The following TK2 variants were observed in gnomAD, a reference collection of about 807,000 sequenced individuals.
The protein encoded by TK2 is thymidine kinase 2, also known as thymidine kinase 2, mitochondrial.
Under a neutral mutation model 41.9 loss-of-function variants are expected in TK2, and 35 were observed. The observed-to-expected ratio is 0.84, with a 90% CI of 0.64 to 1.11. The LOEUF is 1.11. Ranked by LOEUF, TK2 falls within the 50% of genes least tolerant of loss-of-function variation. The pLI is 0.00. For synonymous variants in TK2, 128 were observed against 129.1 expected, an observed-to-expected ratio of 0.99 and a Z score of 0.06; for missense variants, 320 against 351.1, an observed-to-expected ratio of 0.91 and a Z score of 0.71.
chr16:66,548,673 CCCA>C (rs1965682984), intron 2 of TK2: 1 of 369,378 alleles, frequency 2.7e-6, no homozygotes, highest in African/African-American at 2.1e-5. Context: ...ACTGACCTTC[CCCA>C]CAACACAATG....
At chr16:66,515,138 C>T (rs541128629) in intron 8 of TK2, among the ~76,000 whole-genome samples, 87 of 151,508 alleles carry the variant, frequency 5.7e-4, no homozygotes, top group African/African-American at 1.8e-3. Flanking sequence ...TCCCCCTCTC[C>T]GAGAAACACC....
intron 2 of TK2, chr16:66,548,057 A>T (rs1360270294): frequency 1.3e-6 from 1 of 766,166 alleles, no homozygotes; most frequent in African/African-American, 1.8e-5. Flanking sequence ...ACACAGCAAG[A>T]CGCCGTCTCT....
At chr16:66,535,362 T>C (rs1965245705) in intron 4 of TK2, among the ~76,000 whole-genome samples, 1 of 152,204 alleles carries the variant, frequency 6.6e-6, no homozygotes, top group Non-Finnish European at 1.5e-5. Context: ...TTATGATCCC[T>C]AACACCTGCA....
Position 66,517,354 on chromosome 16 carries a change from A to C in TK2, c.539-139T>G. The C allele has an allele frequency of 1.3e-6, 1 of 790,886 alleles. No homozygotes were observed. The highest frequency in any genetic ancestry group is 2.3e-6 in the Non-Finnish European group (1 of 442,182). 49.0% of individuals were successfully genotyped at this position (790,886 alleles called of 1,614,324 possible). ...GGGCCAGCTCTTGGCTTGACCACTG[A>C]CCCTCCGCCTCGACTTTCATTCTCT... On this transcript the variant is annotated intron_variant, in intron 7 of 9. Coordinates refer to ENST00000544898, the MANE Select transcript of TK2 (RefSeq NM_004614.5). The surrounding 1 kb of genome is among the most constrained non-coding windows in gnomAD (Gnocchi z 4.3).
chr16:66,517,282 G>C lies in TK2; in HGVS notation c.539-67C>G. 7.2e-7 allele frequency: 1 copy of C among 1,380,810 alleles called. No individual in the cohort carries two copies. The highest frequency in any genetic ancestry group is 1.7e-5 in the Admixed American group (1 of 59,736). 85.5% of individuals were successfully genotyped at this position (1,380,810 alleles called of 1,614,324 possible). On this transcript the variant is annotated intron_variant, in intron 7 of 9. Transcript: ENST00000544898. This position sits in a 1 kb window ranked among gnomAD's most constrained non-coding sequence, Gnocchi z 4.3. ...GGCTTGGAAGCAAAGCAGGCACACAGGCAAAGGCGGGAGGAAGGTCTGCAC... is the reference window on the plus strand; with the variant it reads ...GGCTTGGAAGCAAAGCAGGCACACACGCAAAGGCGGGAGGAAGGTCTGCAC...
chr16:66,533,516 C>G (rs1348209458), intron 4 of TK2, among the ~76,000 whole-genome samples: 2 of 151,870 alleles, frequency 1.3e-5, no homozygotes, highest in Non-Finnish European at 2.9e-5. Context: ...TGCCACTGCA[C>G]TCCAGCTTGG....
chr16:66,532,554 G>A (rs1020548243), intron 4 of TK2, among the ~76,000 whole-genome samples: 3 of 151,584 alleles, frequency 2.0e-5, no homozygotes, highest in Admixed American at 6.6e-5. Context: ...GCAGTGGGCC[G>A]AGATCGTACC....
At chr16:66,520,985 T>C (rs1425158429) in intron 6 of TK2, among the ~76,000 whole-genome samples, 2 of 151,896 alleles carry the variant, frequency 1.3e-5, no homozygotes, top group Non-Finnish European at 2.9e-5. Context: ...ACCAAAGGGG[T>C]GGGGCCAGTT....
rs200305417 is a variant in TK2 at position 66,540,173 on chromosome 16, C to CTTTTTTTT, written c.231+1698_231+1705dup. ...TATTTCTTTTCTTTCTTTCTTTTTT[C>CTTTTTTTT]TTTTTTTTTTTTTTTTTGAGACAGG... On this transcript the variant is annotated intron_variant, in intron 3 of 9. Coordinates refer to ENST00000544898, the MANE Select transcript of TK2 (RefSeq NM_004614.5). Among the ~76,000 whole-genome samples the CTTTTTTTT allele has an allele frequency of 2.5e-3, 322 of 130,696 alleles. 3 individuals carry two copies. Among genetic ancestry groups the CTTTTTTTT allele is most frequent in the South Asian group, 9.5e-3 (38 of 3,990 alleles). The allele number at this position is 130,696 out of a possible 152,430, so 85.7% of individuals were successfully genotyped here. A position where few individuals can be genotyped will look rare whatever the true frequency, so the allele number is the denominator to read the frequency against.
intron 2 of TK2, chr16:66,546,734 T>C: frequency 6.6e-6 from 1 of 152,032 alleles, no homozygotes; most frequent in East Asian, 1.9e-4. Flanking sequence ...TCACAATTTA[T>C]TGAACTCCCT....
At chr16:66,522,392 C>G (rs1021596253) in intron 6 of TK2, among the ~76,000 whole-genome samples, 6 of 152,206 alleles carry the variant, frequency 3.9e-5, no homozygotes, top group African/African-American at 1.2e-4. Context: ...TGCCACTTCC[C>G]GAGCTGGGTC....
intron 5 of TK2, 82 bp from the exon 6 acceptor site, chr16:66,529,149 C>A: frequency 1.5e-6 from 2 of 1,322,142 alleles, no homozygotes; most frequent in Non-Finnish European, 2.2e-6. Context: ...TGTTACTCCC[C>A]CTGCCTGGGG....
intron 4 of TK2, among the ~76,000 whole-genome samples, chr16:66,534,485 C>T (rs1965216956): frequency 6.6e-6 from 1 of 152,162 alleles, no homozygotes; most frequent in Admixed American, 6.6e-5. Context: ...GAAATCCAAA[C>T]CCTTATCATG....
chr16:66,526,415 T>C (rs949509131), intron 6 of TK2, among the ~76,000 whole-genome samples: 1 of 152,120 alleles, frequency 6.6e-6, no homozygotes, highest in African/African-American at 2.4e-5. Context: ...CCCCTTAACC[T>C]CTGGTCATTC....
In TK2 at chr16:66,536,133, G is replaced by C. The variant is rs191017440; in HGVS notation, c.285+831C>G. Reference sequence around the variant, plus strand: ...GCAGGAGAATCGCTTGAACCTGGGAGACAGAGGTTGCAGTGAGCCGAGATC... The same window carrying C: ...GCAGGAGAATCGCTTGAACCTGGGACACAGAGGTTGCAGTGAGCCGAGATC... On this transcript the variant is annotated intron_variant, in intron 4 of 9. Coordinates refer to ENST00000544898, the MANE Select transcript of TK2 (RefSeq NM_004614.5). Among the ~76,000 whole-genome samples the C allele has an allele frequency of 6.0e-5, 9 of 150,162 alleles. No homozygotes were observed. In the Admixed American group the frequency reaches 6.1e-4, roughly 10 times the overall value.
intron 2 of TK2, among the ~76,000 whole-genome samples, chr16:66,547,629 G>A (rs1239324730): frequency 2.0e-5 from 3 of 151,672 alleles, no homozygotes; most frequent in Non-Finnish European, 2.9e-5. Flanking sequence ...ACTCACTGCT[G>A]TTCTAGTTCC....
chr16:66,527,813 T>C (rs1964980184), intron 6 of TK2, among the ~76,000 whole-genome samples: 1 of 152,170 alleles, frequency 6.6e-6, no homozygotes, highest in Non-Finnish European at 1.5e-5. Flanking sequence ...GAGGATCACT[T>C]GAGCCCAGGA....
intron 5 of TK2, among the ~76,000 whole-genome samples, chr16:66,529,951 C>T (rs559147494): frequency 6.6e-6 from 1 of 152,302 alleles, no homozygotes; most frequent in Non-Finnish European, 1.5e-5. Flanking sequence ...CTCTCTCTGC[C>T]TCCTGAGGTA....
At chr16:66,527,010 A>G (rs762631599) in intron 6 of TK2, among the ~76,000 whole-genome samples, 16 of 152,206 alleles carry the variant, frequency 1.1e-4, no homozygotes, top group Non-Finnish European at 1.9e-4. Context: ...GTACACAAAC[A>G]TAACAGAGGC....
Sources: gnomAD v4.1 joint callset for allele counts (sites outside exome capture counted in the v4.1 genomes callset) on GRCh38, gnomAD v4.1.1 for gene constraint, Gnocchi (gnomAD v3.1) non-coding constraint, MANE v1.5 for transcripts, NCBI Gene and HGNC (gene_info 2026-07-23, HGNC 2026-07-21) for gene names.